Variants in RBFOX3 observed in about 807,000 individuals in gnomAD.
The protein encoded by RBFOX3 is RNA binding protein fox-1 homolog 3.
Under a neutral mutation model 48.7 loss-of-function variants are expected in RBFOX3, and 17 were observed. That is an observed-to-expected ratio of 0.35 (90% confidence interval 0.24 to 0.52). The LOEUF is 0.52. Among genes scored for constraint, RBFOX3 ranks in the 20% least tolerant of loss-of-function variants. The probability of loss-of-function intolerance (pLI) is 0.94; values close to 1 mark genes in which losing one functional copy is unlikely to be tolerated. For missense variants in RBFOX3, 382 were observed against 497.5 expected (o/e 0.77, Z 2.21); for synonymous variants, 212 against 209.5 (o/e 1.01, Z -0.10).
At chr17:79,245,465 C>G (rs575948138) in intron 3 of RBFOX3, among the ~76,000 whole-genome samples, 225 of 150,332 alleles carry the variant, frequency 1.5e-3, no homozygotes, top group African/African-American at 5.5e-3. Flanking sequence ...TAAAGTGTAC[C>G]ATTTTAACCA....
At chr17:79,169,699 GGAGGCTGCCA>G (rs2048748496) in intron 4 of RBFOX3, among the ~76,000 whole-genome samples, 1 of 152,240 alleles carries the variant, frequency 6.6e-6, no homozygotes, top group Non-Finnish European at 1.5e-5. Flanking sequence ...GGGTGGGCTG[GGAGGCTGCCA>G]GAGGCTGGGT....
At chr17:79,618,533 A>G in the RBFOX3 span, among the ~76,000 whole-genome samples, 6 of 152,216 alleles carry the variant, frequency 3.9e-5, no homozygotes, top group Middle Eastern at 3.2e-3. Flanking sequence ...CTGCAGAAGT[A>G]GAGTCCTTGT....
chr17:79,346,973 A>C (rs2083024781), intron 2 of RBFOX3, among the ~76,000 whole-genome samples: 1 of 152,160 alleles, frequency 6.6e-6, no homozygotes, highest in Non-Finnish European at 1.5e-5. Flanking sequence ...CAAGGGTTCT[A>C]TGTAAATGAT....
the RBFOX3 span, among the ~76,000 whole-genome samples, chr17:79,622,549 C>T: frequency 1.3e-5 from 2 of 152,218 alleles, no homozygotes; most frequent in Non-Finnish European, 1.5e-5. Context: ...TGAGGCCAGA[C>T]GTCCAAGATG....
chr17:79,527,302 C>T (rs1250500492), intron 1 of RBFOX3, among the ~76,000 whole-genome samples: 2 of 152,264 alleles, frequency 1.3e-5, no homozygotes, highest in Non-Finnish European at 2.9e-5. Flanking sequence ...TCTCTCTTTT[C>T]TTTCTCCAAT....
In RBFOX3 at chr17:79,479,655, G is replaced by T. The variant is rs1289566446; in HGVS notation, c.-175+2799C>A. On this transcript the variant is annotated intron_variant, in intron 2 of 14. Transcript: ENST00000693108. This position sits in a 1 kb window ranked among gnomAD's most constrained non-coding sequence, Gnocchi z 5.1. Reference sequence around the variant, plus strand: ...CCCACCAACCCTGGACTTCCCAGACGCTCCCTCGGGGGTGGGCTGGTCTTG... The same window carrying T: ...CCCACCAACCCTGGACTTCCCAGACTCTCCCTCGGGGGTGGGCTGGTCTTG... Among the ~76,000 whole-genome samples, 6 of 152,206 alleles carry T rather than the reference G, an allele frequency of 3.9e-5. No homozygotes were observed. The highest frequency in any genetic ancestry group is 7.3e-5 in the Non-Finnish European group (5 of 68,030).
intron 2 of RBFOX3, among the ~76,000 whole-genome samples, chr17:79,409,675 C>G (rs2064014218): frequency 6.6e-6 from 1 of 152,222 alleles, no homozygotes; most frequent in Non-Finnish European, 1.5e-5. Flanking sequence ...CTGTGTCTAA[C>G]CCCAGAGCAG....
intron 2 of RBFOX3, among the ~76,000 whole-genome samples, chr17:79,339,874 C>A (rs1463863410): frequency 6.6e-6 from 1 of 152,212 alleles, no homozygotes; most frequent in African/African-American, 2.4e-5. Flanking sequence ...CTACATTCTA[C>A]GACTCCAGCC....
chr17:79,283,053 C>G (rs908651623), intron 3 of RBFOX3, among the ~76,000 whole-genome samples: 4 of 152,054 alleles, frequency 2.6e-5, no homozygotes, highest in African/African-American at 9.7e-5. Flanking sequence ...GTTTTCAAGG[C>G]AGGCCTGGAA....
intron 3 of RBFOX3, among the ~76,000 whole-genome samples, chr17:79,284,367 G>A (rs889469475): frequency 2.6e-5 from 4 of 152,296 alleles, no homozygotes; most frequent in South Asian, 2.1e-4. Flanking sequence ...TCAATGTTTT[G>A]TTATTCCAAA....
At position 79,406,260 on chromosome 17, in the gene RBFOX3, C is replaced by T. The variant is rs140328281; in HGVS notation, c.-175+76194G>A. On this transcript the variant is annotated intron_variant, in intron 2 of 14. Coordinates refer to ENST00000693108, the MANE Select transcript of RBFOX3 (RefSeq NM_001350451.2). Reference sequence around the variant, plus strand: ...GAGACAAGCAAACTCTCTTTTTGCTCGTTCTCCCAGCTGCCGACAACCCTA... The same window carrying T: ...GAGACAAGCAAACTCTCTTTTTGCTTGTTCTCCCAGCTGCCGACAACCCTA... Among the ~76,000 whole-genome samples the T allele has an allele frequency of 2.3e-3, 347 of 152,268 alleles. 3 individuals are homozygous for T. The highest frequency in any genetic ancestry group is 7.8e-3 in the African/African-American group (324 of 41,558).
the RBFOX3 span, among the ~76,000 whole-genome samples, chr17:79,663,004 A>G: frequency 2.6e-5 from 4 of 152,230 alleles, no homozygotes; most frequent in South Asian, 2.1e-4. Context: ...GCCAAATTTA[A>G]GGAAATCTGA....
intron 2 of RBFOX3, among the ~76,000 whole-genome samples, chr17:79,337,712 G>A (rs918252284): frequency 6.6e-6 from 1 of 152,144 alleles, no homozygotes; most frequent in African/African-American, 2.4e-5. Flanking sequence ...TGAGGCAGAG[G>A]TTGCAGTGAG....
At chr17:79,635,761 C>T in the RBFOX3 span, among the ~76,000 whole-genome samples, 23 of 152,104 alleles carry the variant, frequency 1.5e-4, no homozygotes, top group Non-Finnish European at 2.6e-4. Flanking sequence ...GCATGAACAA[C>T]GAGTGGGAAA....
intron 1 of RBFOX3, among the ~76,000 whole-genome samples, chr17:79,561,991 G>A (rs985311514): frequency 4.6e-5 from 7 of 152,156 alleles, no homozygotes; most frequent in Admixed American, 1.3e-4. Context: ...ACCTCATGGG[G>A]ACAAGCTAAT....
intron 4 of RBFOX3, among the ~76,000 whole-genome samples, chr17:79,122,895 A>G (rs2147220253): frequency 6.6e-6 from 1 of 152,346 alleles, no homozygotes; most frequent in Non-Finnish European, 1.5e-5. Context: ...AGGGCCTGTC[A>G]TTTTCAACAA....
chr17:79,301,350 A>C (rs2075284887), intron 3 of RBFOX3, among the ~76,000 whole-genome samples: 1 of 152,240 alleles, frequency 6.6e-6, no homozygotes, highest in East Asian at 1.9e-4. Flanking sequence ...CTAATAGAAC[A>C]CAAAGTCTCC....
At chr17:79,100,746 C>T (rs1019258833) in intron 9 of RBFOX3, among the ~76,000 whole-genome samples, 2 of 152,250 alleles carry the variant, frequency 1.3e-5, no homozygotes, top group East Asian at 3.9e-4. Flanking sequence ...CGTACGCCTG[C>T]TCTGCTCAAA....
intron 2 of RBFOX3, among the ~76,000 whole-genome samples, chr17:79,349,867 C>A (rs1044427927): frequency 6.6e-6 from 1 of 151,554 alleles, no homozygotes; most frequent in Admixed American, 6.6e-5. Context: ...CCTGAGCCCC[C>A]CGGGGCAGGC....
Sources: allele counts gnomAD v4.1 joint callset (sites outside exome capture counted in the v4.1 genomes callset), GRCh38; gene constraint gnomAD v4.1.1; non-coding constraint Gnocchi (gnomAD v3.1); transcripts MANE v1.5; gene names NCBI Gene and HGNC (gene_info 2026-07-23, HGNC 2026-07-21).